Variants in UIMC1 observed in about 807,000 individuals in gnomAD.
The protein encoded by UIMC1 is BRCA1-A complex subunit RAP80.
Under a neutral mutation model 84.9 loss-of-function variants are expected in UIMC1, and 42 were observed. The observed-to-expected ratio is 0.49, with a 90% CI of 0.39 to 0.64. The LOEUF (loss-of-function observed/expected upper bound fraction) is 0.64. Ranked by LOEUF, UIMC1 falls within the 30% of genes least tolerant of loss-of-function variation. The pLI is 0.00. For synonymous variants in UIMC1, 281 were observed against 293.0 expected, an observed-to-expected ratio of 0.96 and a Z score of 0.42; for missense variants, 825 against 847.6, an observed-to-expected ratio of 0.97 and a Z score of 0.33.
intron 10 of UIMC1, among the ~76,000 whole-genome samples, chr5:176,933,790 C>T (rs1211683656): frequency 6.6e-6 from 1 of 152,084 alleles, no homozygotes; most frequent in Non-Finnish European, 1.5e-5. Flanking sequence ...CCCACCTCAG[C>T]GTCCCAATGT....
chr5:176,912,672 A>AT (rs1209664078), intron 10 of UIMC1, among the ~76,000 whole-genome samples: 44 of 134,696 alleles, frequency 3.3e-4, no homozygotes, highest in East Asian at 1.1e-3. Context: ...ATTTTTATTT[A>AT]TTTTTTTTTT....
At chr5:176,964,626 T>C (rs1768014580) in intron 6 of UIMC1, among the ~76,000 whole-genome samples, 1 of 152,196 alleles carries the variant, frequency 6.6e-6, no homozygotes, top group South Asian at 2.1e-4. Flanking sequence ...TGAGAAAATG[T>C]CTACATGATA....
At chr5:177,014,129 T>G (rs930801924) in intron 1 of UIMC1, among the ~76,000 whole-genome samples, 2 of 147,598 alleles carry the variant, frequency 1.4e-5, no homozygotes, top group Non-Finnish European at 3.0e-5. Context: ...CTCAGCTCAC[T>G]GCAACCTCCA....
chr5:176,998,350 G>A (rs1277538200), intron 1 of UIMC1, among the ~76,000 whole-genome samples: 2 of 150,832 alleles, frequency 1.3e-5, no homozygotes, highest in Admixed American at 1.3e-4. Context: ...TGTAATCTCA[G>A]GTACTCGAGT....
chr5:176,919,907 T>G lies in UIMC1; in HGVS notation c.1598-8518A>C, dbSNP rs1212195853. Among the ~76,000 whole-genome samples the G allele has an allele frequency of 2.0e-5, 3 of 152,262 alleles. No homozygotes were observed. In the East Asian group the frequency reaches 5.8e-4, roughly 29 times the overall value. On this transcript the variant is annotated intron_variant, in intron 10 of 14. Transcript: ENST00000511320. The stretch of plus-strand genomic sequence containing the variant: ...TTGTAAAATTGGAAAGTATGAACTC[T>G]TAACTTCGTTCTTTTTCAAGACTGT...
At chr5:177,006,526 G>C (rs1393280191) in intron 1 of UIMC1, 124 bp downstream of exon 1, 1 of 152,292 alleles carries the variant, frequency 6.6e-6, no homozygotes, top group Non-Finnish European at 1.5e-5. Context: ...CCCCGGCGTC[G>C]GGAGAGGCCT....
At chr5:176,937,878 C>T (rs1230595163) in intron 10 of UIMC1, among the ~76,000 whole-genome samples, 1 of 152,124 alleles carries the variant, frequency 6.6e-6, no homozygotes, top group Non-Finnish European at 1.5e-5. Flanking sequence ...GGTCTCCCAG[C>T]TTGGCTTATG....
At chr5:176,957,699 G>T (rs1367632010) in intron 7 of UIMC1, among the ~76,000 whole-genome samples, 4 of 152,168 alleles carry the variant, frequency 2.6e-5, no homozygotes, top group Non-Finnish European at 5.9e-5. Context: ...AGCATAAGCA[G>T]AGTTGGGGAA....
intron 1 of UIMC1, among the ~76,000 whole-genome samples, chr5:177,000,375 C>T (rs1343490698): frequency 6.6e-6 from 1 of 152,032 alleles, no homozygotes; most frequent in Non-Finnish European, 1.5e-5. Context: ...TTTCCTATTA[C>T]GTGTTTTTGG....
intron 2 of UIMC1, 49 bp downstream of exon 2, chr5:176,982,420 A>T (rs1197635398): frequency 1.3e-6 from 2 of 1,579,538 alleles, no homozygotes; most frequent in Admixed American, 3.9e-5. Flanking sequence ...TGGGTAAAGA[A>T]GCATAGTTTG....
intron 2 of UIMC1, among the ~76,000 whole-genome samples, chr5:176,975,862 G>C (rs1196835646): frequency 6.6e-6 from 1 of 152,074 alleles, no homozygotes; most frequent in African/African-American, 2.4e-5. Flanking sequence ...TTGGACAATG[G>C]ATAGTAAAGG....
At chr5:176,956,646 T>G (rs1051036783) in intron 7 of UIMC1, among the ~76,000 whole-genome samples, 1 of 152,088 alleles carries the variant, frequency 6.6e-6, no homozygotes, top group Admixed American at 6.6e-5. Context: ...TGACTGCTCA[T>G]GGAGTGCAAT....
At chr5:176,946,891 A>G (rs1765191388) in intron 9 of UIMC1, among the ~76,000 whole-genome samples, 1 of 152,188 alleles carries the variant, frequency 6.6e-6, no homozygotes, top group South Asian at 2.1e-4. Context: ...AGGGGGGTAA[A>G]GGGGATCAAT....
At chr5:177,017,623 T>C (rs1318668470) in intron 1 of UIMC1, among the ~76,000 whole-genome samples, 1 of 151,826 alleles carries the variant, frequency 6.6e-6, no homozygotes, top group African/African-American at 2.4e-5. Context: ...TCCGCCCACT[T>C]GGCCTCCCAA....
intron 3 of UIMC1, among the ~76,000 whole-genome samples, chr5:176,974,293 G>A (rs1035930805): frequency 2.0e-5 from 3 of 152,050 alleles, no homozygotes; most frequent in African/African-American, 4.8e-5. Context: ...TCAACACAAG[G>A]AAAGGACAGT....
intron 11 of UIMC1, among the ~76,000 whole-genome samples, chr5:176,909,358 G>A (rs1324185524): frequency 6.6e-6 from 1 of 152,004 alleles, no homozygotes; most frequent in Admixed American, 6.6e-5. Flanking sequence ...ATCACTGGGG[G>A]TAAAAGAAAA....
At chr5:176,982,886 AC>A (rs1771263829) in intron 1 of UIMC1, among the ~76,000 whole-genome samples, 1 of 152,164 alleles carries the variant, frequency 6.6e-6, no homozygotes, top group Admixed American at 6.5e-5. Flanking sequence ...TTTAGTACAG[AC>A]AGAGTTTCAC....
At chr5:176,953,473 A>T (rs1766159085) in intron 8 of UIMC1, among the ~76,000 whole-genome samples, 1 of 136,336 alleles carries the variant, frequency 7.3e-6, no homozygotes, top group Admixed American at 7.1e-5. Context: ...TACATCACAA[A>T]TTTTTTTGAA....
At chr5:176,907,076 TA>T (rs1759483200) in intron 13 of UIMC1, 37 bp downstream of exon 13, 1 of 1,606,992 alleles carries the variant, frequency 6.2e-7, no homozygotes, top group African/African-American at 1.3e-5. Context: ...TGAAAGGCCT[TA>T]GGCAGAAGCC....
Sources: allele counts gnomAD v4.1 joint callset (sites outside exome capture counted in the v4.1 genomes callset), GRCh38; gene constraint gnomAD v4.1.1; transcripts MANE v1.5; gene names NCBI Gene and HGNC (gene_info 2026-07-23, HGNC 2026-07-21).